LRRC8E: variants seen among roughly 807,000 people sequenced by gnomAD.
The protein encoded by LRRC8E is volume-regulated anion channel subunit LRRC8E.
LRRC8E carries 6 observed loss-of-function variants against 6.1 expected under a neutral mutation model. The ratio of observed to expected loss-of-function variants is 0.98; its 90% CI spans 0.54 to 1.93. The LOEUF (loss-of-function observed/expected upper bound fraction) is 1.93. Among genes scored for constraint, LRRC8E ranks in the 30% most tolerant of loss-of-function variants. LRRC8E has a pLI of 0.01. For synonymous variants in LRRC8E, 485 were observed against 472.8 expected (o/e 1.03, Z -0.33); for missense variants, 1,028 against 1,031.4 (o/e 1.00, Z 0.04).
Position 7,899,466 on chromosome 19 carries a change from G to A in LRRC8E, c.944G>A (p.Cys315Tyr), listed in dbSNP as rs1981818113. The A allele has an allele frequency of 3.7e-6, 6 of 1,614,124 alleles. No individual in the cohort carries two copies. The highest frequency in any genetic ancestry group is 5.1e-6 in the Non-Finnish European group (6 of 1,180,044). ...KAHLFSKLAF[C>Y]YISFVCIYGL... The stretch of plus-strand genomic sequence containing the variant: ...CACCTCTTCTCCAAGCTGGCCTTCT[G>A]TTACATCTCCTTTGTGTGCATCTAC... Residue 315 changes from cysteine to tyrosine, a missense_variant, in exon 3 of 3, where the codon TGT becomes TAT. Transcript: ENST00000306708.
chr19:7,900,823 T>G lies in LRRC8E; in HGVS notation c.2301T>G (p.Cys767Trp), dbSNP rs773503978. Reference protein sequence around the residue: ...LEALPEELGNCGGLKKAGLLV... With the variant: ...LEALPEELGNWGGLKKAGLLV... Reference sequence around the variant, plus strand: ...CGCTGCCAGAAGAACTTGGCAACTGTGGGGGGCTCAAGAAGGCGGGGCTCC... The same window carrying G: ...CGCTGCCAGAAGAACTTGGCAACTGGGGGGGGCTCAAGAAGGCGGGGCTCC... Residue 767 changes from cysteine (C) to tryptophan (W), a missense_variant, in exon 3 of 3, where the codon TGT becomes TGG. Physicochemically the swap from Cys to Trp is radical, Grantham distance 215. Transcript: ENST00000306708. The surrounding 1 kb of genome is among the most constrained non-coding windows in gnomAD (Gnocchi z 5.0). 7 of 1,586,600 alleles carry G rather than the reference T, an allele frequency of 4.4e-6. No individual in the cohort carries two copies. Among genetic ancestry groups the G allele is most frequent in the African/African-American group, 1.4e-5 (1 of 73,724 alleles).
In LRRC8E at chr19:7,899,166, C is replaced by A. The variant is rs1981789339; in HGVS notation, c.644C>A (p.Thr215Asn). The A allele has an allele frequency of 7.4e-6, 12 of 1,613,954 alleles. No individual in the cohort carries two copies. Among genetic ancestry groups the A allele is most frequent in the Non-Finnish European group, 1.0e-5 (12 of 1,179,900 alleles). The change falls in exon 3 of 3, where the codon ACC becomes AAC. Residue 215 changes from threonine (T) to asparagine (N), a missense_variant. By Grantham distance (65) the Thr-to-Asn change is moderately conservative. Transcript: ENST00000306708. ...CTGGCGGAACCGGAGAAGGTGGTGA[C>A]CGAGCCTCCAGTTGTCACCCTGTTG... ...KVLAEPEKVVTEPPVVTLLDK... is the reference protein window; with the variant it reads ...KVLAEPEKVVNEPPVVTLLDK...
In LRRC8E at chr19:7,901,026, G is replaced by A. The variant is rs900105532; in HGVS notation, c.*113G>A. ...TGGGTCCAGGCCAGGAGATGGGGGGGGCGGGGGCAGCTGTGTCATCTTTCT... is the reference window on the plus strand; with the variant it reads ...TGGGTCCAGGCCAGGAGATGGGGGGAGCGGGGGCAGCTGTGTCATCTTTCT... On this transcript the variant is annotated 3_prime_UTR_variant, in exon 3 of 3. Coordinates refer to ENST00000306708, the MANE Select transcript of LRRC8E (RefSeq NM_025061.6). The A allele has an allele frequency of 6.2e-6, 4 of 646,922 alleles. No homozygotes were observed. The Admixed American group carries it at 1.0e-4, about 17-fold the overall frequency. The allele number at this position is 646,922 out of a possible 1,614,324, so 40.1% of individuals were successfully genotyped here. A position where few individuals can be genotyped will look rare whatever the true frequency, so the allele number is the denominator to read the frequency against.
At position 7,898,814 on chromosome 19, in the gene LRRC8E, C is replaced by A. The variant is rs1442334622; in HGVS notation, c.292C>A (p.Gln98Lys). ...KGLKNNLDLQ[Q>K]YSFINQLCYE... Reference sequence around the variant, plus strand: ...CCTTAAGAACAATTTGGACCTGCAGCAATACAGCTTTATTAACCAGCTGTG... The same window carrying A: ...CCTTAAGAACAATTTGGACCTGCAGAAATACAGCTTTATTAACCAGCTGTG... The change falls in exon 3 of 3, where the codon CAA becomes AAA. Residue 98 changes from glutamine (Q) to lysine (K), a missense_variant. Transcript: ENST00000306708. 1 of 1,614,092 alleles carries A rather than the reference C, an allele frequency of 6.2e-7. No homozygotes were observed. The highest frequency in any genetic ancestry group is 1.7e-5 in the Admixed American group (1 of 60,008).
Position 7,899,681 on chromosome 19 carries a change from G to T in LRRC8E, c.1159G>T (p.Glu387Ter). ...CAAGCGCTTCGCCGTCTTCCTGTCC[G>T]AGGTCAGCGAAAGCCGTCTAAAGCA... ...YSKRFAVFLS[E>*]VSESRLKQLN... Residue 387 changes from glutamate to a stop codon, truncating the protein, a stop_gained, in exon 3 of 3, where the codon GAG becomes TAG. Transcript: ENST00000306708. LOFTEE classifies it low-confidence loss of function (END_TRUNC). 6.2e-7 allele frequency: 1 copy of T among 1,613,660 alleles called. No individual in the cohort carries two copies. The highest frequency in any genetic ancestry group is 8.5e-7 in the Non-Finnish European group (1 of 1,180,032).
At position 7,900,578 on chromosome 19, in the gene LRRC8E, A is replaced by G. The variant is rs1256642864; in HGVS notation, c.2056A>G (p.Asn686Asp). 1 of 1,613,238 alleles carries G rather than the reference A, an allele frequency of 6.2e-7. No homozygotes were observed. Among genetic ancestry groups the G allele is most frequent in the Non-Finnish European group, 8.5e-7 (1 of 1,180,030 alleles). The stretch of plus-strand genomic sequence containing the variant: ...CCTCCGTCTGCTGGATGTGTCCCAC[A>G]ATGGGCTACACTCCCTGCCACCCGA... Reference protein sequence around the residue: ...SGLRLLDVSHNGLHSLPPEVG... With the variant: ...SGLRLLDVSHDGLHSLPPEVG... The change falls in exon 3 of 3, where the codon AAT becomes GAT. Residue 686 changes from asparagine (N) to aspartate (D), a missense_variant. Coordinates refer to ENST00000306708, the MANE Select transcript of LRRC8E (RefSeq NM_025061.6). The surrounding 1 kb of genome is among the most constrained non-coding windows in gnomAD (Gnocchi z 5.0).
intron 2 of LRRC8E, among the ~76,000 whole-genome samples, chr19:7,897,326 C>T (rs1015480905): frequency 4.6e-5 from 7 of 151,884 alleles, no homozygotes; most frequent in African/African-American, 7.3e-5. Flanking sequence ...TGTGCCACCA[C>T]GCCCGGCTAA....
chr19:7,897,853 C>T (rs905877774), intron 2 of LRRC8E, among the ~76,000 whole-genome samples: 4 of 151,986 alleles, frequency 2.6e-5, no homozygotes, highest in Non-Finnish European at 5.9e-5. Context: ...TCTAAGGATT[C>T]GGAGTTGGGA....
intron 1 of LRRC8E, chr19:7,893,865 T>C (rs1599604180): frequency 1.3e-5 from 2 of 152,200 alleles, no homozygotes; most frequent in Middle Eastern, 6.8e-3. Context: ...GCATGGTGAG[T>C]CCCCGTGTGG....
chr19:7,891,059 G>A (rs1300778918), intron 1 of LRRC8E, among the ~76,000 whole-genome samples: 3 of 152,200 alleles, frequency 2.0e-5, no homozygotes, highest in Admixed American at 6.5e-5. Flanking sequence ...CAATCCTACA[G>A]GCAGGACCTG....
At chr19:7,890,040 C>T (rs1240252198) in intron 1 of LRRC8E, among the ~76,000 whole-genome samples, 3 of 151,330 alleles carry the variant, frequency 2.0e-5, no homozygotes, top group East Asian at 2.0e-4. Context: ...CCACTGTGTC[C>T]GTCAGGACTC....
In LRRC8E at chr19:7,898,788, G is replaced by C. The variant is rs772575949; in HGVS notation, c.266G>C (p.Gly89Ala). The part of the protein sequence containing the change: ...EQIGALQEVK[G>A]LKNNLDLQQY... ...ATTGGGGCCCTGCAGGAGGTTAAAG[G>C]CCTTAAGAACAATTTGGACCTGCAG... Residue 89 changes from glycine (G) to alanine (A), a missense_variant, in exon 3 of 3, where the codon GGC becomes GCC. Transcript: ENST00000306708. The C allele has an allele frequency of 1.2e-6, 2 of 1,614,172 alleles. No homozygotes were observed. The highest frequency in any genetic ancestry group is 2.2e-5 in the East Asian group (1 of 44,892).
chr19:7,896,464 C>T (rs1365057068), intron 2 of LRRC8E, among the ~76,000 whole-genome samples: 1 of 151,388 alleles, frequency 6.6e-6, no homozygotes, highest in South Asian at 2.1e-4. Flanking sequence ...ATCCCAGCTA[C>T]TTGGAAGGCT....
chr19:7,894,616 T>G (rs188550505), intron 1 of LRRC8E, among the ~76,000 whole-genome samples: 1 of 152,128 alleles, frequency 6.6e-6, no homozygotes, highest in South Asian at 2.1e-4. Context: ...GGTCTAAGGT[T>G]CCCCACCTTC....
At chr19:7,893,173 A>T (rs910085754) in intron 1 of LRRC8E, among the ~76,000 whole-genome samples, 1 of 151,938 alleles carries the variant, frequency 6.6e-6, no homozygotes, top group African/African-American at 2.4e-5. Flanking sequence ...CGCCCAGCTA[A>T]TTTTTTGTAT....
rs760443037 is a variant in LRRC8E, at chr19:7,899,581, G to A, written c.1059G>A (p.Met353Ile). Residue 353 changes from methionine (M) to isoleucine (I), a missense_variant, in exon 3 of 3, where the codon ATG becomes ATA. Transcript: ENST00000306708. Reference sequence around the variant, plus strand: ...GTTCCGTGCGGGAGGAGACTGGCATGGGGGACATTCCTGACGTCAAGAATG... The same window carrying A: ...GTTCCGTGCGGGAGGAGACTGGCATAGGGGACATTCCTGACGTCAAGAATG... Reference protein sequence around the residue: ...SFRSVREETGMGDIPDVKNDF... With the variant: ...SFRSVREETGIGDIPDVKNDF... The A allele has an allele frequency of 2.9e-5, 46 of 1,613,856 alleles. No homozygotes were observed. The highest frequency in any genetic ancestry group is 3.9e-5 in the Non-Finnish European group (46 of 1,180,046).
In LRRC8E at chr19:7,898,659, A is replaced by G. The variant is rs1981734042; in HGVS notation, c.139-2A>G. On this transcript the variant is annotated splice_acceptor_variant, in intron 2 of 2. Transcript: ENST00000306708. LOFTEE classifies it high-confidence loss of function. ...CAGCCCTCATTCTCTTTTGCTCCTC[A>G]GGTGACACAGGACAAGATCATCTGT... 6.3e-7 allele frequency: 1 copy of G among 1,593,246 alleles called. No homozygotes were observed. Among genetic ancestry groups the G allele is most frequent in the Non-Finnish European group, 8.6e-7 (1 of 1,167,346 alleles).
rs1351655334 is a variant in LRRC8E at position 7,900,623 on chromosome 19, C to T, written c.2101C>T (p.Leu701=). ...ACCCGAGGTGGGCCTCCTGCAGAACCTACAGCACCTGGCCCTCTCCTACAA... is the reference window on the plus strand; with the variant it reads ...ACCCGAGGTGGGCCTCCTGCAGAACTTACAGCACCTGGCCCTCTCCTACAA... ...LPPEVGLLQN[L]QHLALSYNAL... The change falls in exon 3 of 3, where the codon CTA becomes TTA. Residue 701 remains leucine (L), a synonymous_variant. Transcript: ENST00000306708. This position sits in a 1 kb window ranked among gnomAD's most constrained non-coding sequence, Gnocchi z 5.0. 6.2e-7 allele frequency: 1 copy of T among 1,613,438 alleles called. No homozygotes were observed. The highest frequency in any genetic ancestry group is 1.1e-5 in the South Asian group (1 of 91,086).
rs1424269457 is a variant in LRRC8E at position 7,899,141 on chromosome 19, C to T, written c.619C>T (p.Leu207=). Reference sequence around the variant, plus strand: ...AGGGGAGGGTGAGAAGGAGAAAGTGCTGGCGGAACCGGAGAAGGTGGTGAC... The same window carrying T: ...AGGGGAGGGTGAGAAGGAGAAAGTGTTGGCGGAACCGGAGAAGGTGGTGAC... ...KAGEGEKEKV[L]AEPEKVVTEP... Residue 207 remains leucine (L), a synonymous_variant, in exon 3 of 3, where the codon CTG becomes TTG. Coordinates refer to ENST00000306708, the MANE Select transcript of LRRC8E (RefSeq NM_025061.6). The T allele has an allele frequency of 5.6e-6, 9 of 1,613,516 alleles. No homozygotes were observed. The East Asian group carries it at 1.1e-4, about 20-fold the overall frequency.
Sources: gnomAD v4.1 joint callset for allele counts (sites outside exome capture counted in the v4.1 genomes callset) on GRCh38, gnomAD v4.1.1 for gene constraint, Gnocchi (gnomAD v3.1) non-coding constraint, MANE v1.5 for transcripts, NCBI Gene and HGNC (gene_info 2026-07-23, HGNC 2026-07-21) for gene names.